The following POLR2E variants were observed in gnomAD, a reference collection of about 807,000 sequenced individuals.
POLR2E encodes the protein RNA polymerase II, I and III subunit E.
Under a neutral mutation model 29.8 loss-of-function variants are expected in POLR2E, and 35 were observed. The observed-to-expected ratio is 1.17, with a 90% CI of 0.90 to 1.55. The LOEUF is 1.55. POLR2E is among the 40% of genes most tolerant of loss of function. POLR2E has a pLI of 0.00. For synonymous variants in POLR2E, 174 were observed against 112.6 expected (o/e 1.55, Z -3.45); for missense variants, 287 against 288.6 (o/e 0.99, Z 0.04).
At chr19:1,090,306 C>T (rs1341507611) in intron 4 of POLR2E, among the ~76,000 whole-genome samples, 161 bp from the exon 5 acceptor site, 4 of 151,424 alleles carry the variant, frequency 2.6e-5, no homozygotes, top group Non-Finnish European at 4.4e-5. Context: ...CCTGGCTCCA[C>T]AGGCGGGGGA....
chr19:1,089,931 G>A lies in POLR2E; in HGVS notation c.520C>T (p.Gln174Ter). The change falls in exon 6 of 8, where the codon CAG (glutamine) becomes TAG (stop). Residue 174 changes from glutamine to a stop codon, truncating the protein, a stop_gained. Coordinates refer to ENST00000615234, the MANE Select transcript of POLR2E (RefSeq NM_002695.5). LOFTEE classifies it high-confidence loss of function. ...TAGCGCGCCACAGGGTCCCCCGCCTGGATCCTGGGCAGCTGGTTCTCTCGG... is the reference window on the plus strand; with the variant it reads ...TAGCGCGCCACAGGGTCCCCCGCCTAGATCCTGGGCAGCTGGTTCTCTCGG... Reference protein sequence around the residue: ...KLRENQLPRIQAGDPVARYFG... With the variant: ...KLRENQLPRI 3 of 1,613,046 alleles carry A rather than the reference G, an allele frequency of 1.9e-6. No individual in the cohort carries two copies. The highest frequency in any genetic ancestry group is 2.5e-6 in the Non-Finnish European group (3 of 1,179,902).
At chr19:1,095,180 G>A (rs958729007) in intron 1 of POLR2E, 79 bp downstream of exon 1, 31 of 1,425,196 alleles carry the variant, frequency 2.2e-5, no homozygotes, top group Middle Eastern at 4.5e-4. Context: ...AGAGTACGAG[G>A]AGACGCCGTG....
At chr19:1,094,271 T>A (rs985869482) in intron 1 of POLR2E, 193 bp from the exon 2 acceptor site, 14 of 546,232 alleles carry the variant, frequency 2.6e-5, no homozygotes, top group Admixed American at 1.8e-4. Context: ...ACCAGTATGA[T>A]CCTGAGAGGC....
rs754849792 is a variant in POLR2E, at chr19:1,095,342, G to T, written c.-27C>A. The T allele has an allele frequency of 7.4e-6, 12 of 1,612,102 alleles. No homozygotes were observed. The highest frequency in any genetic ancestry group is 1.0e-5 in the Non-Finnish European group (12 of 1,179,324). On this transcript the variant is annotated 5_prime_UTR_variant, in exon 1 of 8. Transcript: ENST00000615234. ...GCAGCCTCCGCCGCCGCCGCCGCTC[G>T]CACCCCTTCTCCGCGCGAGAACCCG...
intron 3 of POLR2E, among the ~76,000 whole-genome samples, 172 bp from the exon 4 acceptor site, chr19:1,091,160 G>C (rs968844977): frequency 6.6e-6 from 1 of 152,198 alleles, no homozygotes; most frequent in African/African-American, 2.4e-5. Flanking sequence ...CCCCTCCCCA[G>C]CCTCTCTGCT....
At chr19:1,095,000 G>C in intron 1 of POLR2E, 3 of 303,170 alleles carry the variant, frequency 9.9e-6, no homozygotes, top group South Asian at 5.2e-5. Flanking sequence ...TCGCCGCCAC[G>C]CGCGCCGCAC....
chr19:1,091,520 C>A lies in POLR2E; in HGVS notation c.348+272G>T, dbSNP rs558491345. The A allele has an allele frequency of 2.6e-5, 13 of 501,430 alleles. No homozygotes were observed. The East Asian group carries it at 4.3e-4, about 17-fold the overall frequency. The allele number at this position is 501,430 out of a possible 1,614,324, so 31.1% of individuals were successfully genotyped here. A position where few individuals can be genotyped will look rare whatever the true frequency, so the allele number is the denominator to read the frequency against. Reference sequence around the variant, plus strand: ...CCTGGAATCTGCACCAGGCCGAGGGCTGGAGCCCACAGGAGCTGGCGAGAG... The same window carrying A: ...CCTGGAATCTGCACCAGGCCGAGGGATGGAGCCCACAGGAGCTGGCGAGAG... On this transcript the variant is annotated intron_variant, in intron 3 of 7. Transcript: ENST00000615234.
intron 2 of POLR2E, 103 bp from the exon 3 acceptor site, chr19:1,092,010 G>A: frequency 1.3e-6 from 1 of 785,622 alleles, no homozygotes; most frequent in Non-Finnish European, 2.2e-6. Flanking sequence ...CCACACAGGT[G>A]TCTCTCCTGC....
chr19:1,089,717 G>A lies in POLR2E; in HGVS notation c.568-166C>T, dbSNP rs1336449804. ...GGGAACCTGGGTCACGCTCTTCTCT[G>A]GGCCCAGTGGCCCTGGCTTTAAGAG... On this transcript the variant is annotated intron_variant, in intron 6 of 7. Transcript: ENST00000615234. 6.2e-5 allele frequency: 49 copies of A among 784,116 alleles called. No individual in the cohort carries two copies. In the East Asian group the frequency reaches 1.3e-3, roughly 21 times the overall value. 48.6% of individuals were successfully genotyped at this position (784,116 alleles called of 1,614,324 possible).
rs569474870 is a variant in POLR2E, at chr19:1,090,895, G to A, written c.429+13C>T. ...CGGCCCCACGCAGGCGGGATTCCGC[G>A]GCGCGCGCCCACCTCGTGCTCCGTG... On this transcript the variant is annotated intron_variant, in intron 4 of 7. Coordinates refer to ENST00000615234, the MANE Select transcript of POLR2E (RefSeq NM_002695.5). 1.9e-5 allele frequency: 30 copies of A among 1,609,946 alleles called. 1 individual carries two copies. In the Middle Eastern group the frequency reaches 1.7e-3, roughly 89 times the overall value.
chr19:1,093,338 A>G (rs1233990190), intron 2 of POLR2E, among the ~76,000 whole-genome samples: 5 of 152,262 alleles, frequency 3.3e-5, no homozygotes, highest in South Asian at 2.1e-4. Flanking sequence ...CTTTAGAGCC[A>G]TACTAGGGAG....
rs982762458 is a variant in POLR2E, at chr19:1,086,598, A to C, written c.*2137T>G. 2.0e-5 allele frequency: 3 copies of C among 151,836 alleles called. No individual in the cohort carries two copies. The highest frequency in any genetic ancestry group is 4.4e-5 in the Non-Finnish European group (3 of 67,702). 9.4% of individuals were successfully genotyped at this position (151,836 alleles called of 1,614,324 possible). ...GTGTGGTTCTTTCACAGGCACGTTT[A>C]TTTTGCTGAAATAAAAAGTTTTTAA... is the stretch of plus-strand genomic sequence containing the variant. On this transcript the variant is annotated 3_prime_UTR_variant, in exon 8 of 8. Transcript: ENST00000615234.
chr19:1,087,171 TG>T lies in POLR2E; in HGVS notation c.*1563del, dbSNP rs999244399. 1.3e-5 allele frequency: 2 copies of T among 151,804 alleles called. No individual in the cohort carries two copies. Among genetic ancestry groups the T allele is most frequent in the African/African-American group, 4.8e-5 (2 of 41,268 alleles). The allele number at this position is 151,804 out of a possible 1,614,324, so 9.4% of individuals were successfully genotyped here. ...GTGCCCAGGTAATCTTAAAGTTTTT[TG>T]TAGAGGTGGGGGGTTTCTCTGTGTT... On this transcript the variant is annotated 3_prime_UTR_variant, in exon 8 of 8. Coordinates refer to ENST00000615234, the MANE Select transcript of POLR2E (RefSeq NM_002695.5).
In POLR2E at chr19:1,087,541, ATCCCCACCCAAC is replaced by A. The variant is rs1215264552; in HGVS notation, c.*1182_*1193del. On this transcript the variant is annotated 3_prime_UTR_variant, in exon 8 of 8. Transcript: ENST00000615234. The stretch of plus-strand genomic sequence containing the variant: ...CTCCTCCCCAGCCCTGGGAACCCCC[ATCCCCACCCAAC>A]TCCCCAGTCCCGGGAACCCCCATCC... 2.7e-5 allele frequency: 4 copies of A among 146,958 alleles called. No homozygotes were observed. The highest frequency in any genetic ancestry group is 6.0e-5 in the Non-Finnish European group (4 of 66,728). The allele number at this position is 146,958 out of a possible 1,614,324, so 9.1% of individuals were successfully genotyped here.
chr19:1,090,900 G>C lies in POLR2E; in HGVS notation c.429+8C>G. On this transcript the variant is annotated splice_region_variant and intron_variant, in intron 4 of 7. Transcript: ENST00000615234. ...CCACGCAGGCGGGATTCCGCGGCGC[G>C]CGCCCACCTCGTGCTCCGTGATGTT... 1 of 1,610,694 alleles carries C rather than the reference G, an allele frequency of 6.2e-7. No homozygotes were observed. The highest frequency in any genetic ancestry group is 1.1e-5 in the South Asian group (1 of 91,036).
At position 1,089,975 on chromosome 19, in the gene POLR2E, G is replaced by A. The variant is rs377571471; in HGVS notation, c.489-13C>T. 43 of 1,591,354 alleles carry A rather than the reference G, an allele frequency of 2.7e-5. No homozygotes were observed. The highest frequency in any genetic ancestry group is 1.9e-4 in the African/African-American group (14 of 73,728). ...CTCTCGGAGCTTACTGCGAAGCACC[G>A]TCAGGAAAATGCCAGACAGGGCCGT... On this transcript the variant is annotated splice_polypyrimidine_tract_variant and intron_variant, in intron 5 of 7. Coordinates refer to ENST00000615234, the MANE Select transcript of POLR2E (RefSeq NM_002695.5).
chr19:1,086,743 T>G lies in POLR2E; in HGVS notation c.*1992A>C, dbSNP rs2043679272. The G allele has an allele frequency of 6.6e-6, 1 of 152,034 alleles. No homozygotes were observed. Among genetic ancestry groups the G allele is most frequent in the African/African-American group, 2.4e-5 (1 of 41,380 alleles). 9.4% of individuals were successfully genotyped at this position (152,034 alleles called of 1,614,324 possible). ...CGTGGCGTGGCCCTGGGCCTCCCCCTAGGGGAGGGATGTGTGAGGAAGGGA... is the reference window on the plus strand; with the variant it reads ...CGTGGCGTGGCCCTGGGCCTCCCCCGAGGGGAGGGATGTGTGAGGAAGGGA... On this transcript the variant is annotated 3_prime_UTR_variant, in exon 8 of 8. Transcript: ENST00000615234.
intron 3 of POLR2E, 117 bp from the exon 4 acceptor site, chr19:1,091,105 G>C (rs1374015146): frequency 5.0e-6 from 4 of 804,480 alleles, no homozygotes; most frequent in African/African-American, 1.7e-5. Flanking sequence ...CCCACGTCGT[G>C]AATCAGAAAA....
chr19:1,093,418 G>T (rs2043878804), intron 2 of POLR2E, among the ~76,000 whole-genome samples: 1 of 152,160 alleles, frequency 6.6e-6, no homozygotes, highest in South Asian at 2.1e-4. Context: ...TGGGAAAAGA[G>T]GCCCGAGCAC....
Sources: gnomAD v4.1 joint callset for allele counts (sites outside exome capture counted in the v4.1 genomes callset) on GRCh38, gnomAD v4.1.1 for gene constraint, MANE v1.5 for transcripts, NCBI Gene and HGNC (gene_info 2026-07-23, HGNC 2026-07-21) for gene names.